The following DNAH3 variants were observed in gnomAD, a reference collection of about 807,000 sequenced individuals.
DNAH3 encodes dynein axonemal heavy chain 3.
Under a neutral mutation model 432.5 loss-of-function variants are expected in DNAH3, and 332 were observed. That is an observed-to-expected ratio of 0.77 (90% CI 0.70 to 0.84). The LOEUF (loss-of-function observed/expected upper bound fraction) is 0.84. Ranked by LOEUF, DNAH3 falls within the 40% of genes least tolerant of loss-of-function variation. The probability of loss-of-function intolerance (pLI) is 0.00; values close to 1 mark genes in which losing one functional copy is unlikely to be tolerated. For missense variants in DNAH3, 4,861 were observed against 5,114.0 expected (o/e 0.95, Z 1.51); for synonymous variants, 1,956 against 1,900.2 (o/e 1.03, Z -0.76).
chr16:20,965,384 G>A lies in DNAH3; in HGVS notation c.8500C>T (p.Leu2834Phe), dbSNP rs1219182995. 3.9e-5 allele frequency: 60 copies of A among 1,534,782 alleles called. No individual in the cohort carries two copies. Among genetic ancestry groups the A allele is most frequent in the Non-Finnish European group, 5.0e-5 (57 of 1,140,986 alleles). Residue 2834 changes from leucine (L) to phenylalanine (F), a missense_variant, in exon 53 of 62, where the codon CTT becomes TTT. Transcript: ENST00000261383. The stretch of plus-strand genomic sequence containing the variant: ...CTCTCCAAGAATTTCAGATCCCCAA[G>A]AATCTTTTTGGATACCCCCCAGTAA...
At position 21,120,968 on chromosome 16, in the gene DNAH3, T is replaced by G. The variant is rs1416281744; in HGVS notation, c.1585-114A>C. 7.2e-5 allele frequency: 57 copies of G among 791,196 alleles called. No individual in the cohort carries two copies. The East Asian group carries it at 1.5e-3, about 21-fold the overall frequency. The allele number at this position is 791,196 out of a possible 1,614,324, so 49.0% of individuals were successfully genotyped here. On this transcript the variant is annotated intron_variant, in intron 10 of 61. Transcript: ENST00000261383. ...TTCTTCTCCTCCCACACACCCAGTT[T>G]TAATGGAGTACTTAGAACCCTGTAA...
chr16:21,123,117 A>G (rs550451262), intron 9 of DNAH3, among the ~76,000 whole-genome samples: 8 of 152,340 alleles, frequency 5.3e-5, no homozygotes, highest in African/African-American at 1.9e-4. Flanking sequence ...GATTCAGTCC[A>G]AAAGTATTAA....
chr16:21,096,358 C>T (rs2091679638), intron 18 of DNAH3, among the ~76,000 whole-genome samples: 1 of 152,016 alleles, frequency 6.6e-6, no homozygotes, highest in South Asian at 2.1e-4. Context: ...TCTCGAACTC[C>T]TGGGCTCATG....
chr16:21,033,988 C>A (rs1262304807), exon 36 of DNAH3: 1 of 1,613,560 alleles, frequency 6.2e-7, no homozygotes, highest in South Asian at 1.1e-5. Flanking sequence ...GTGTAAATCG[C>A]CGAGAGCTGC....
chr16:21,119,741 C>A (rs1049386794), intron 11 of DNAH3, among the ~76,000 whole-genome samples: 2 of 151,898 alleles, frequency 1.3e-5, no homozygotes, highest in African/African-American at 4.8e-5. Flanking sequence ...GGACTACAGG[C>A]ACCCGCCACC....
At chr16:21,075,274 G>A (rs1260548864) in intron 21 of DNAH3, among the ~76,000 whole-genome samples, 173 bp downstream of exon 21, 2 of 152,160 alleles carry the variant, frequency 1.3e-5, no homozygotes, top group East Asian at 1.9e-4. Context: ...CTCTTCGGTG[G>A]TGCTGACAGG....
chr16:21,122,039 G>A, exon 10 of DNAH3: 1 of 1,613,480 alleles, frequency 6.2e-7, no homozygotes. Context: ...GACAATAATG[G>A]GTTCACTGAC....
intron 61 of DNAH3, among the ~76,000 whole-genome samples, chr16:20,934,173 C>G (rs371269024): frequency 6.6e-6 from 1 of 152,148 alleles, no homozygotes. Flanking sequence ...TAAAATCATT[C>G]AAATTATACT....
intron 23 of DNAH3, among the ~76,000 whole-genome samples, chr16:21,069,152 C>G (rs373430929): frequency 6.6e-6 from 1 of 152,030 alleles, no homozygotes; most frequent in African/African-American, 2.4e-5. Flanking sequence ...ACCATGTTGG[C>G]CAGGCTGGTC....
chr16:21,124,007 G>T (rs1426725725), intron 9 of DNAH3, among the ~76,000 whole-genome samples: 1 of 152,122 alleles, frequency 6.6e-6, no homozygotes, highest in African/African-American at 2.4e-5. Context: ...GACCAGGCTG[G>T]TCTCAAACTC....
At chr16:20,997,555 TC>T in intron 43 of DNAH3, 93 bp from the exon 44 acceptor site, 22 of 1,427,538 alleles carry the variant, frequency 1.5e-5, no homozygotes, top group Non-Finnish European at 2.0e-5. Flanking sequence ...TGTAGGGGAA[TC>T]TGTTCCCAGG....
chr16:20,964,251 C>T (rs147532889), exon 53 of DNAH3: 41 of 1,614,038 alleles, frequency 2.5e-5, no homozygotes, highest in Middle Eastern at 1.6e-4. Context: ...GCTTCTCCTT[C>T]GCAGCCACGA....
intron 7 of DNAH3, among the ~76,000 whole-genome samples, chr16:21,131,333 A>C (rs199697265): frequency 6.6e-6 from 1 of 151,988 alleles, no homozygotes; most frequent in Non-Finnish European, 1.5e-5. Flanking sequence ...CTAAAACAAG[A>C]AAGCAAGCAA....
intron 41 of DNAH3, among the ~76,000 whole-genome samples, chr16:21,018,618 G>A (rs1002059926): frequency 4.6e-5 from 7 of 152,136 alleles, no homozygotes; most frequent in African/African-American, 9.7e-5. Flanking sequence ...CTGCAGGCCC[G>A]GTGCAGTGGC....
intron 7 of DNAH3, among the ~76,000 whole-genome samples, chr16:21,133,226 G>A (rs1226125129): frequency 6.6e-6 from 1 of 151,596 alleles, no homozygotes; most frequent in African/African-American, 2.4e-5. Flanking sequence ...TGGTGGTGTG[G>A]GTCTGTGGTC....
At chr16:20,980,244 T>A (rs924769540) in intron 49 of DNAH3, among the ~76,000 whole-genome samples, 4 of 134,258 alleles carry the variant, frequency 3.0e-5, no homozygotes, top group Non-Finnish European at 6.4e-5. Context: ...ATTATATATA[T>A]AATATACATC....
intron 18 of DNAH3, among the ~76,000 whole-genome samples, chr16:21,088,157 T>C (rs575167612): frequency 6.6e-6 from 1 of 152,208 alleles, no homozygotes; most frequent in South Asian, 2.1e-4. Flanking sequence ...TAATTTCACA[T>C]GCTTCATCAA....
At position 21,060,250 on chromosome 16, in the gene DNAH3, C is replaced by CG; in HGVS notation, c.3813+13dup. 6.2e-7 allele frequency: 1 copy of CG among 1,605,000 alleles called. No homozygotes were observed. Among genetic ancestry groups the CG allele is most frequent in the East Asian group, 2.2e-5 (1 of 44,822 alleles). On this transcript the variant is annotated intron_variant, in intron 26 of 61. Transcript: ENST00000261383. ...CACTAGTGTCCTGGCATGTGTACCC[C>CG]GGTTCTTGTTTACCTTGACATATGC...
chr16:21,054,661 C>T (rs1312098411), intron 27 of DNAH3, 127 bp from the exon 28 acceptor site: 1 of 649,358 alleles, frequency 1.5e-6, no homozygotes, highest in Non-Finnish European at 2.7e-6. Context: ...TCCCTCAAGT[C>T]CAACTTTTCC....
Sources: gnomAD v4.1 joint callset for allele counts (sites outside exome capture counted in the v4.1 genomes callset) on GRCh38, gnomAD v4.1.1 for gene constraint, MANE v1.5 for transcripts, NCBI Gene and HGNC (gene_info 2026-07-23, HGNC 2026-07-21) for gene names.